The following TAF3 variants were observed in gnomAD, a reference collection of about 807,000 sequenced individuals.
TAF3 encodes TATA-box binding protein associated factor 3, also known as transcription initiation factor TFIID subunit 3.
TAF3 carries 7 observed loss-of-function variants against 80.6 expected under a neutral mutation model. The ratio of observed to expected loss-of-function variants is 0.09; its 90% confidence interval spans 0.05 to 0.16. The LOEUF (loss-of-function observed/expected upper bound fraction) is 0.16, where lower values mean the gene tolerates loss of function less well. Ranked by LOEUF, TAF3 falls within the 10% of genes least tolerant of loss-of-function variation. TAF3 has a pLI of 1.00. For missense variants in TAF3, 921 were observed against 1,140.2 expected (o/e 0.81, Z 2.77); for synonymous variants, 444 against 446.1 (o/e 1.00, Z 0.06).
chr10:7,840,819 G>T (rs1385983593), intron 2 of TAF3, among the ~76,000 whole-genome samples: 1 of 151,888 alleles, frequency 6.6e-6, no homozygotes, highest in Non-Finnish European at 1.5e-5. Flanking sequence ...CAGCCACATA[G>T]AACTTTGCTA....
intron 2 of TAF3, among the ~76,000 whole-genome samples, chr10:7,905,502 C>G (rs1162728426): frequency 6.6e-6 from 1 of 152,180 alleles, no homozygotes; most frequent in African/African-American, 2.4e-5. Context: ...CTGGACATAG[C>G]TGTGTTACAG....
chr10:7,947,165 G>A (rs549544605), intron 2 of TAF3, among the ~76,000 whole-genome samples: 4 of 151,900 alleles, frequency 2.6e-5, no homozygotes, highest in Admixed American at 2.0e-4. Context: ...CTCCTTCTCC[G>A]GCCCCTCTTC....
intron 4 of TAF3, among the ~76,000 whole-genome samples, chr10:7,990,120 G>A (rs971188346): frequency 3.3e-5 from 5 of 152,118 alleles, no homozygotes; most frequent in Non-Finnish European, 7.4e-5. Flanking sequence ...ATATTAGCCT[G>A]GTTTTGAATA....
intron 4 of TAF3, among the ~76,000 whole-genome samples, chr10:8,008,528 A>G (rs1466897450): frequency 5.9e-5 from 9 of 152,168 alleles, no homozygotes; most frequent in Non-Finnish European, 1.3e-4. Context: ...AGAAATAGAA[A>G]CTTTTTCTTT....
At chr10:7,950,853 T>C (rs1236385307) in intron 2 of TAF3, among the ~76,000 whole-genome samples, 1 of 152,198 alleles carries the variant, frequency 6.6e-6, no homozygotes, top group African/African-American at 2.4e-5. Context: ...TGATTTTGTG[T>C]TTAAAATGGC....
intron 2 of TAF3, among the ~76,000 whole-genome samples, chr10:7,840,851 TTTC>T (rs1836905480): frequency 6.6e-6 from 1 of 152,074 alleles, no homozygotes; most frequent in East Asian, 1.9e-4. Context: ...CTTTTCTTTC[TTTC>T]TTTTTTTTTT....
chr10:7,921,720 C>G (rs1837764432), intron 2 of TAF3, among the ~76,000 whole-genome samples: 1 of 152,056 alleles, frequency 6.6e-6, no homozygotes. Flanking sequence ...GTCTTTTTTG[C>G]AAGCATTTGC....
intron 2 of TAF3, among the ~76,000 whole-genome samples, chr10:7,876,105 G>A (rs1320147698): frequency 6.6e-6 from 1 of 151,718 alleles, no homozygotes; most frequent in African/African-American, 2.4e-5. Context: ...AAAGGGAGAC[G>A]CTTAATGACC....
chr10:7,871,182 G>A (rs1837261635), intron 2 of TAF3, among the ~76,000 whole-genome samples: 2 of 151,966 alleles, frequency 1.3e-5, no homozygotes, highest in African/African-American at 2.4e-5. Context: ...TAAAATACAT[G>A]TAGCTGGAAG....
rs538508501 is a variant in TAF3, at chr10:8,007,032, G to A, written c.2316-2046G>A. ...TGGCAATTCCTGGTGAGGTGAGGATGGCCATATTCCATGGCCCAGAAACTT... is the reference window on the plus strand; with the variant it reads ...TGGCAATTCCTGGTGAGGTGAGGATAGCCATATTCCATGGCCCAGAAACTT... On this transcript the variant is annotated intron_variant, in intron 4 of 6. Transcript: ENST00000344293. Among the ~76,000 whole-genome samples the A allele has an allele frequency of 5.4e-4, 82 of 152,304 alleles. 1 individual carries two copies. In the South Asian group the frequency reaches 0.016, roughly 30 times the overall value.
intron 2 of TAF3, among the ~76,000 whole-genome samples, chr10:7,883,744 G>A (rs866177946): frequency 9.9e-5 from 15 of 152,124 alleles, no homozygotes; most frequent in Admixed American, 2.0e-4. Flanking sequence ...ATTGATATCC[G>A]CAGACACTTA....
intron 2 of TAF3, among the ~76,000 whole-genome samples, chr10:7,957,782 T>A (rs1222567460): frequency 8.3e-6 from 1 of 120,586 alleles, no homozygotes; most frequent in Non-Finnish European, 1.7e-5. Context: ...TGTCTCACGC[T>A]CTCTCTAGCG....
At chr10:7,876,009 C>T (rs2151018) in intron 2 of TAF3, among the ~76,000 whole-genome samples, 137,540 of 151,526 alleles carry the variant, frequency 0.91, 62,481 homozygotes, top group East Asian at 0.99. Flanking sequence ...GTTTTTTTAT[C>T]ATACTATTAA....
chr10:7,823,274 A>G (rs547156730), intron 1 of TAF3, among the ~76,000 whole-genome samples: 7 of 152,176 alleles, frequency 4.6e-5, no homozygotes, highest in African/African-American at 1.7e-4. Context: ...ATCAGGGAAC[A>G]ACAGAGGAAA....
In TAF3 at chr10:7,965,645, A is replaced by G. The variant is rs774359799; in HGVS notation, c.2135A>G (p.Lys712Arg). The G allele has an allele frequency of 6.2e-7, 1 of 1,603,544 alleles. No homozygotes were observed. Among genetic ancestry groups the G allele is most frequent in the Non-Finnish European group, 8.5e-7 (1 of 1,177,168 alleles). ...KKDKKEKKKK[K>R]EKEKEKKEKE... ...GACAAAAAGGAGAAGAAGAAAAAGA[A>G]GGAAAAAGAGAAGGAGAAGAAGGAG... The change falls in exon 3 of 7, where the codon AAG becomes AGG. Residue 712 changes from lysine to arginine, a missense_variant. By Grantham distance (26) the Lys-to-Arg change is conservative (BLOSUM62 2). Around this residue, in one of 6 missense-constraint regions of TAF3, gnomAD observed 743 missense variants for 821.0 expected, o/e 0.90. Transcript: ENST00000344293.
At chr10:8,010,462 T>G (rs1180687524) in intron 5 of TAF3, among the ~76,000 whole-genome samples, 12 of 152,232 alleles carry the variant, frequency 7.9e-5, no homozygotes, top group Non-Finnish European at 1.2e-4. Context: ...ATTTATAGAA[T>G]GTACACTGAT....
At chr10:7,831,652 G>GT (rs1172571225) in intron 2 of TAF3, among the ~76,000 whole-genome samples, 2 of 152,064 alleles carry the variant, frequency 1.3e-5, no homozygotes, top group South Asian at 2.1e-4. Flanking sequence ...CCTCATTACA[G>GT]TTTTTTACCC....
intron 4 of TAF3, among the ~76,000 whole-genome samples, chr10:7,978,981 C>T (rs1223989363): frequency 1.3e-5 from 2 of 152,014 alleles, no homozygotes; most frequent in Admixed American, 6.6e-5. Flanking sequence ...TTCAAGGCTG[C>T]AGTGAGCTAT....
chr10:7,866,095 T>G (rs1368381405), intron 2 of TAF3, among the ~76,000 whole-genome samples: 1 of 152,234 alleles, frequency 6.6e-6, no homozygotes, highest in Non-Finnish European at 1.5e-5. Flanking sequence ...TAGCAGTTTT[T>G]TCTGGATCGT....
Sources: allele counts gnomAD v4.1 joint callset (sites outside exome capture counted in the v4.1 genomes callset), GRCh38; gene constraint gnomAD v4.1.1; regional missense constraint gnomAD v4.1.1; transcripts MANE v1.5; gene names NCBI Gene and HGNC (gene_info 2026-07-23, HGNC 2026-07-21).